The following SEC31A variants were observed in gnomAD, a reference collection of about 807,000 sequenced individuals.
SEC31A encodes SEC31 homolog A, COPII component, also known as protein transport protein Sec31A.
A neutral mutation model predicts 151.0 loss-of-function variants in SEC31A; 70 were observed. That is an observed-to-expected ratio of 0.46 (90% CI 0.38 to 0.57). SEC31A has a LOEUF of 0.57. Among genes scored for constraint, SEC31A ranks in the 20% least tolerant of loss-of-function variants. The pLI is 0.00. For missense variants in SEC31A, 1,330 were observed against 1,471.2 expected, an observed-to-expected ratio of 0.90 and a Z score of 1.57; for synonymous variants, 475 against 505.9, an observed-to-expected ratio of 0.94 and a Z score of 0.82.
chr4:82,836,083 C>T (rs1727164850), intron 22 of SEC31A, among the ~76,000 whole-genome samples: 1 of 151,938 alleles, frequency 6.6e-6, no homozygotes, highest in South Asian at 2.1e-4. Context: ...GGTATATACA[C>T]TAAAAAATTG....
chr4:82,862,319 C>T (rs1734377806), intron 13 of SEC31A, among the ~76,000 whole-genome samples: 1 of 150,208 alleles, frequency 6.7e-6, no homozygotes, highest in South Asian at 2.1e-4. Flanking sequence ...TCCTGCTTTA[C>T]AAAATTCAAA....
intron 20 of SEC31A, among the ~76,000 whole-genome samples, chr4:82,846,158 C>T (rs902216987): frequency 2.0e-5 from 3 of 151,930 alleles, no homozygotes; most frequent in African/African-American, 7.3e-5. Context: ...CGCCTGCCAC[C>T]ATGCCCAGCT....
chr4:82,854,990 C>A lies in SEC31A; in HGVS notation c.1921G>T (p.Val641Phe). ...AVVMKNWKEI[V>F]ESCDLKNWRE... ...CAATTTTTAAGATCACAAGACTCAA[C>A]AATCTCTTTCCAGTTCTTCATCACC... The change falls in exon 17 of 27, where the codon GTT (valine) becomes TTT (phenylalanine). Residue 641 changes from valine (V) to phenylalanine (F), a missense_variant. Val to Phe is a conservative substitution (Grantham distance 50). Transcript: ENST00000395310. 6.2e-7 allele frequency: 1 copy of A among 1,613,720 alleles called. No homozygotes were observed. Among genetic ancestry groups the A allele is most frequent in the Non-Finnish European group, 8.5e-7 (1 of 1,179,810 alleles).
intron 20 of SEC31A, 54 bp downstream of exon 20, chr4:82,848,750 A>C (rs1578216322): frequency 6.7e-7 from 1 of 1,500,844 alleles, no homozygotes; most frequent in East Asian, 2.3e-5. Context: ...GAAAACCACC[A>C]ATTTGAAGAG....
intron 14 of SEC31A, 78 bp downstream of exon 14, chr4:82,861,553 G>T: frequency 1.1e-6 from 1 of 916,098 alleles, no homozygotes; most frequent in Non-Finnish European, 1.7e-6. Flanking sequence ...AAGTAGTCAA[G>T]AAAATTTTCC....
chr4:82,871,891 C>T lies in SEC31A; in HGVS notation c.782+53G>A, dbSNP rs760743723. On this transcript the variant is annotated intron_variant, in intron 7 of 26. Coordinates refer to ENST00000395310, the MANE Select transcript of SEC31A (RefSeq NM_001077207.4). ...GTATTTCTGGTCACGAAAACATCAC[C>T]GACATGTTCAGAAAATAAACAAATC... 1.7e-5 allele frequency: 28 copies of T among 1,611,106 alleles called. No individual in the cohort carries two copies. The East Asian group carries it at 2.9e-4, about 17-fold the overall frequency.
chr4:82,851,220 G>A (rs62313471), intron 19 of SEC31A, among the ~76,000 whole-genome samples: 2,343 of 152,150 alleles, frequency 0.015, 39 homozygotes, highest in Non-Finnish European at 0.021. Flanking sequence ...GGAATCTATC[G>A]CACTGCAAGA....
At chr4:82,867,070 T>C in intron 9 of SEC31A, 85 bp downstream of exon 9, 1 of 1,546,166 alleles carries the variant, frequency 6.5e-7, no homozygotes, top group South Asian at 1.2e-5. Flanking sequence ...ACCAGCATTG[T>C]TAATCAGTGA....
chr4:82,846,968 G>A (rs1236513593), intron 20 of SEC31A, among the ~76,000 whole-genome samples: 6 of 152,166 alleles, frequency 3.9e-5, no homozygotes, highest in Non-Finnish European at 7.4e-5. Context: ...ACCTGCCTTG[G>A]CCTCCTAACG....
At chr4:82,864,641 T>A (rs1266724475) in intron 10 of SEC31A, 43 bp from the exon 11 acceptor site, 3 of 1,555,460 alleles carry the variant, frequency 1.9e-6, no homozygotes, top group Admixed American at 1.8e-5. Flanking sequence ...AACCCAAGGA[T>A]ATGGCCAAAA....
chr4:82,860,393 A>G (rs1455953465), intron 14 of SEC31A, among the ~76,000 whole-genome samples: 1 of 152,214 alleles, frequency 6.6e-6, no homozygotes, highest in Non-Finnish European at 1.5e-5. Flanking sequence ...CTTCTATTTG[A>G]TAATACATAG....
At chr4:82,825,967 T>C (rs1021651506) in intron 24 of SEC31A, among the ~76,000 whole-genome samples, 1 of 152,212 alleles carries the variant, frequency 6.6e-6, no homozygotes, top group Non-Finnish European at 1.5e-5. Flanking sequence ...CACTCACTGA[T>C]AACAGGAAAC....
Position 82,866,889 on chromosome 4 carries a change from C to T in SEC31A, c.1116G>A (p.Gln372=). The stretch of plus-strand genomic sequence containing the variant: ...GCACTATACTATGCTGAGCAGTCTG[C>T]TGTGGAATTTGTAACGGAGGAAGGG... The part of the protein sequence containing the change: ...GQPLPPLQIP[Q]QTAQHSIVLP... Residue 372 remains glutamine, a synonymous_variant, in exon 10 of 27, where the codon CAG becomes CAA. Coordinates refer to ENST00000395310, the MANE Select transcript of SEC31A (RefSeq NM_001077207.4). The T allele has an allele frequency of 1.2e-6, 2 of 1,614,154 alleles. No homozygotes were observed. The highest frequency in any genetic ancestry group is 1.1e-5 in the South Asian group (1 of 91,090).
intron 20 of SEC31A, among the ~76,000 whole-genome samples, chr4:82,844,784 C>T (rs1190119902): frequency 6.6e-6 from 1 of 152,140 alleles, no homozygotes; most frequent in African/African-American, 2.4e-5. Context: ...TGAAATGTCA[C>T]CAGGATTTTC....
At chr4:82,852,290 A>T (rs1731619776) in intron 18 of SEC31A, among the ~76,000 whole-genome samples, 2 of 152,118 alleles carry the variant, frequency 1.3e-5, no homozygotes, top group Non-Finnish European at 1.5e-5. Context: ...GTATTTCTTC[A>T]TTGCAGTATG....
intron 23 of SEC31A, among the ~76,000 whole-genome samples, chr4:82,828,299 A>G (rs1305902121): frequency 6.6e-6 from 1 of 152,224 alleles, no homozygotes; most frequent in African/African-American, 2.4e-5. Context: ...CATGTGTTTA[A>G]TATGATCAGA....
intron 26 of SEC31A, among the ~76,000 whole-genome samples, chr4:82,820,133 GTTTT>G (rs34724288): frequency 3.5e-5 from 4 of 113,800 alleles, no homozygotes; most frequent in Admixed American, 2.0e-4. Flanking sequence ...TGTATCTTCT[GTTTT>G]TTTTTTTTTT....
chr4:82,857,580 A>T (rs761517426), intron 15 of SEC31A, 109 bp downstream of exon 15: 1 of 732,744 alleles, frequency 1.4e-6, no homozygotes, highest in Non-Finnish European at 2.3e-6. Flanking sequence ...AGCTGGGACT[A>T]TAAGCATGCA....
chr4:82,879,528 T>C (rs1352907620), intron 3 of SEC31A, among the ~76,000 whole-genome samples: 1 of 152,094 alleles, frequency 6.6e-6, no homozygotes, highest in African/African-American at 2.4e-5. Context: ...GAGAATAAAA[T>C]ATATGGTCCA....
Sources: gnomAD v4.1 joint callset for allele counts (sites outside exome capture counted in the v4.1 genomes callset) on GRCh38, gnomAD v4.1.1 for gene constraint, MANE v1.5 for transcripts, NCBI Gene and HGNC (gene_info 2026-07-23, HGNC 2026-07-21) for gene names.